The following NXF1 variants were observed in gnomAD, a reference collection of about 807,000 sequenced individuals.
The protein encoded by NXF1 is nuclear RNA export factor 1.
In NXF1, 43 loss-of-function variants were observed where a neutral mutation model predicts 92.4. That is an observed-to-expected ratio of 0.47 (90% CI 0.36 to 0.60). NXF1 has a LOEUF of 0.60. Ranked by LOEUF, NXF1 falls within the 20% of genes least tolerant of loss-of-function variation. The pLI is 0.00. For missense variants in NXF1, 576 were observed against 793.0 expected (o/e 0.73, Z 3.29); for synonymous variants, 288 against 292.2 (o/e 0.99, Z 0.15).
chr11:62,797,446 T>G, intron 11 of NXF1, 60 bp from the exon 12 acceptor site: 1 of 1,480,450 alleles, frequency 6.8e-7, no homozygotes, highest in Non-Finnish European at 9.3e-7. Context: ...ACACCTGTGA[T>G]CCCAGAACTT....
intron 19 of NXF1, 62 bp downstream of exon 19, chr11:62,794,196 C>T: frequency 6.7e-7 from 1 of 1,495,578 alleles, no homozygotes; most frequent in Admixed American, 2.1e-5. Context: ...GTCAGGAGCC[C>T]TCATTATTTA....
intron 3 of NXF1, among the ~76,000 whole-genome samples, chr11:62,802,486 G>T (rs1328838529): frequency 1.3e-5 from 2 of 152,186 alleles, no homozygotes; most frequent in Non-Finnish European, 2.9e-5. Flanking sequence ...ACTCAGGCTG[G>T]AGTGCAGTGG....
At chr11:62,800,316 A>G (rs748444083) in intron 10 of NXF1, 61 bp downstream of exon 10, 1 of 1,612,094 alleles carries the variant, frequency 6.2e-7, no homozygotes, top group Non-Finnish European at 8.5e-7. Flanking sequence ...GTCAGGATGC[A>G]TTAGCTCAGC....
rs548866961 is a variant in NXF1 at position 62,798,574 on chromosome 11, C to T, written c.1018G>A (p.Ala340Thr). ...TFRDQSTYIS[A>T]IRERFPKLLR... ...AACTTGGGAAATCGTTCGCGAATGG[C>T]GCTGTCAAGAACGGGACAGAAGTGA... The change falls in exon 11 of 21, where the codon GCC (alanine) becomes ACC (threonine). Residue 340 changes from alanine (A) to threonine (T), a missense_variant and splice_region_variant. By Grantham distance (58) the Ala-to-Thr change is moderately conservative. Coordinates refer to ENST00000294172, the MANE Select transcript of NXF1 (RefSeq NM_006362.5). 1.4e-5 allele frequency: 23 copies of T among 1,614,010 alleles called. No homozygotes were observed. The highest frequency in any genetic ancestry group is 2.2e-5 in the South Asian group (2 of 91,072).
intron 6 of NXF1, 42 bp from the exon 7 acceptor site, chr11:62,801,673 G>GT: frequency 6.2e-7 from 1 of 1,609,152 alleles, no homozygotes; most frequent in South Asian, 1.1e-5. Context: ...GGGTTTGTGT[G>GT]TGGGGGGTGG....
chr11:62,805,412 C>G lies in NXF1; in HGVS notation c.-56G>C, dbSNP rs781096992. 3 of 1,605,990 alleles carry G rather than the reference C, an allele frequency of 1.9e-6. No individual in the cohort carries two copies. The highest frequency in any genetic ancestry group is 1.3e-5 in the African/African-American group (1 of 74,310). On this transcript the variant is annotated 5_prime_UTR_variant, in exon 1 of 21. Transcript: ENST00000294172. ...CGCTGGCCGCTACGCCGGCAAACAA[C>G]CTAACTCCCAAGCGCTCAGGACCGA... is the stretch of plus-strand genomic sequence containing the variant.
intron 10 of NXF1, chr11:62,800,133 GAAGA>G: frequency 1.5e-6 from 2 of 1,365,106 alleles, no homozygotes; most frequent in African/African-American, 1.5e-5. Flanking sequence ...TTGTGTTCAG[GAAGA>G]AAGAGAAAGG....
intron 13 of NXF1, 122 bp downstream of exon 13, chr11:62,797,061 C>G: frequency 1.2e-6 from 1 of 810,496 alleles, no homozygotes; most frequent in Non-Finnish European, 1.9e-6. Context: ...CAGTGAGACA[C>G]TGTCCAAAAA....
intron 19 of NXF1, 51 bp downstream of exon 19, chr11:62,794,207 C>A: frequency 6.5e-7 from 1 of 1,541,812 alleles, no homozygotes. Flanking sequence ...TCATTATTTA[C>A]TACTAGCCCT....
chr11:62,803,713 A>C (rs2084504136), intron 2 of NXF1, 79 bp downstream of exon 2: 1 of 1,554,568 alleles, frequency 6.4e-7, no homozygotes, highest in Non-Finnish European at 8.8e-7. Flanking sequence ...ACAGGTGGGA[A>C]AGGAAATGAC....
intron 17 of NXF1, chr11:62,795,260 G>A (rs1341868954): frequency 5.0e-6 from 2 of 401,578 alleles, no homozygotes; most frequent in Non-Finnish European, 9.1e-6. Flanking sequence ...GGCAGATCAC[G>A]AGGTCAAGAG....
In NXF1 at chr11:62,792,508, C is replaced by A; in HGVS notation, c.1828G>T (p.Gly610Cys). 6.2e-7 allele frequency: 1 copy of A among 1,614,206 alleles called. No homozygotes were observed. The highest frequency in any genetic ancestry group is 8.5e-7 in the Non-Finnish European group (1 of 1,180,048). The change falls in exon 21 of 21, where the codon GGC becomes TGC. Residue 610 changes from glycine to cysteine, a missense_variant. Around this residue, in one of 2 missense-constraint regions of NXF1, gnomAD observed 425 missense variants for 635.2 expected, o/e 0.67. Transcript: ENST00000294172. ...ATGAATGCCACTTCTGGGATCTCGC[C>A]CTTGGCCTGGAGAAAAATGAAGGTC... ...AQAFTHLKAK[G>C]EIPEVAFMK
In NXF1 at chr11:62,792,724, T is replaced by C. The variant is rs1360667950; in HGVS notation, c.1761-23A>G. The C allele has an allele frequency of 7.4e-6, 12 of 1,613,532 alleles. No homozygotes were observed. In the East Asian group the frequency reaches 2.7e-4, roughly 36 times the overall value. ...CACCTGGAGTGGAAGAACAGGCAGC[T>C]CTGTAAGAACTCTGACTCGTAAATG... On this transcript the variant is annotated intron_variant, in intron 19 of 20. Coordinates refer to ENST00000294172, the MANE Select transcript of NXF1 (RefSeq NM_006362.5).
chr11:62,801,448 G>C, intron 7 of NXF1, 31 bp from the exon 8 acceptor site: 1 of 1,611,658 alleles, frequency 6.2e-7, no homozygotes, highest in Non-Finnish European at 8.5e-7. Context: ...GGAAAGGGAA[G>C]ACTGAGAGGG....
Position 62,803,514 on chromosome 11 carries a change from T to C in NXF1, c.274A>G (p.Ile92Val), listed in dbSNP as rs746277226. The C allele has an allele frequency of 5.6e-6, 9 of 1,614,016 alleles. No homozygotes were observed. Among genetic ancestry groups the C allele is most frequent in the Non-Finnish European group, 7.6e-6 (9 of 1,179,994 alleles). Residue 92 changes from isoleucine (I) to valine (V), a missense_variant, in exon 3 of 21, where the codon ATT (isoleucine) becomes GTT (valine). This residue lies in a region of NXF1 where 151 missense variants were observed against 157.8 expected (regional missense o/e 0.96). Coordinates refer to ENST00000294172, the MANE Select transcript of NXF1 (RefSeq NM_006362.5). Reference protein sequence around the residue: ...RGDTWHDRDRIHVTVRRDRAP... With the variant: ...RGDTWHDRDRVHVTVRRDRAP... ...CTGTCTCTCCGCACAGTAACATGAA[T>C]GCGATCTCGATCATGCCAAGTATCA...
intron 18 of NXF1, 156 bp from the exon 19 acceptor site, chr11:62,794,596 T>C: frequency 1.5e-6 from 1 of 682,388 alleles, no homozygotes. Context: ...GGAATCAATG[T>C]TTGGAAGGAT....
Position 62,792,445 on chromosome 11 carries a change from AG to A in NXF1, c.*30del, listed in dbSNP as rs1391469589. ...ACGGTAATATCCAAGGACTATTTAC[AG>A]GGGGGACTGCTTCTGAGGCATGACT... On this transcript the variant is annotated 3_prime_UTR_variant, in exon 21 of 21. Coordinates refer to ENST00000294172, the MANE Select transcript of NXF1 (RefSeq NM_006362.5). 9 of 1,613,538 alleles carry A rather than the reference AG, an allele frequency of 5.6e-6. No individual in the cohort carries two copies. Among genetic ancestry groups the A allele is most frequent in the Non-Finnish European group, 7.6e-6 (9 of 1,179,556 alleles).
At chr11:62,800,252 T>G in intron 10 of NXF1, 125 bp downstream of exon 10, 1 of 1,514,734 alleles carries the variant, frequency 6.6e-7, no homozygotes, top group Non-Finnish European at 8.9e-7. Flanking sequence ...CGCGATCCTC[T>G]CAAAGGACAG....
intron 17 of NXF1, 34 bp downstream of exon 17, chr11:62,795,867 C>G: frequency 6.2e-7 from 1 of 1,603,590 alleles, no homozygotes; most frequent in Non-Finnish European, 8.5e-7. Flanking sequence ...GGGGTGGGAC[C>G]ACGCTACAAA....
Sources: gnomAD v4.1 joint callset for allele counts (sites outside exome capture counted in the v4.1 genomes callset) on GRCh38, gnomAD v4.1.1 for gene constraint, gnomAD v4.1.1 regional missense constraint, MANE v1.5 for transcripts, NCBI Gene and HGNC (gene_info 2026-07-23, HGNC 2026-07-21) for gene names.